The following CDH12 variants were observed in gnomAD, a reference collection of about 807,000 sequenced individuals.
CDH12 encodes cadherin-12.
A neutral mutation model predicts 74.1 loss-of-function variants in CDH12; 41 were observed. The observed-to-expected ratio is 0.55, with a 90% confidence interval of 0.43 to 0.72. CDH12 has a LOEUF of 0.72. Among genes scored for constraint, CDH12 ranks in the 30% least tolerant of loss-of-function variants. The pLI, the probability that CDH12 is intolerant of heterozygous loss-of-function variation, is 0.00. For synonymous variants in CDH12, 399 were observed against 355.0 expected (o/e 1.12, Z -1.39); for missense variants, 945 against 977.2 (o/e 0.97, Z 0.44).
intron 1 of CDH12, among the ~76,000 whole-genome samples, chr5:22,593,034 A>T (rs1170898028): frequency 7.2e-6 from 1 of 137,984 alleles, no homozygotes; most frequent in East Asian, 2.2e-4. Context: ...CATCTCAAAA[A>T]AGAAAAAAAA....
chr5:21,971,116 C>T (rs1348610653), intron 6 of CDH12, among the ~76,000 whole-genome samples: 1 of 151,728 alleles, frequency 6.6e-6, no homozygotes, highest in Non-Finnish European at 1.5e-5. Flanking sequence ...AGATGCCCAT[C>T]CTTCAGGTTT....
intron 10 of CDH12, among the ~76,000 whole-genome samples, chr5:21,793,620 A>T (rs1016793481): frequency 6.6e-6 from 1 of 151,676 alleles, no homozygotes; most frequent in African/African-American, 2.4e-5. Flanking sequence ...GCTCTGAAGA[A>T]TGGTGCCATT....
chr5:22,031,669 C>T (rs1262393605), intron 5 of CDH12, among the ~76,000 whole-genome samples: 3 of 152,112 alleles, frequency 2.0e-5, no homozygotes, highest in Non-Finnish European at 4.4e-5. Context: ...ACTGTAGGGA[C>T]ATTAATTTCA....
intron 1 of CDH12, among the ~76,000 whole-genome samples, chr5:22,636,135 G>A (rs540922919): frequency 6.6e-6 from 1 of 152,158 alleles, no homozygotes; most frequent in South Asian, 2.1e-4. Context: ...AAACCACAAT[G>A]AGATACCATT....
intron 6 of CDH12, among the ~76,000 whole-genome samples, chr5:21,917,728 T>A (rs909933609): frequency 2.0e-5 from 3 of 152,160 alleles, no homozygotes; most frequent in Non-Finnish European, 2.9e-5. Context: ...ACTGTCTGGT[T>A]AGGCTATTTA....
At chr5:22,671,467 T>C (rs1740895937) in intron 1 of CDH12, among the ~76,000 whole-genome samples, 1 of 152,092 alleles carries the variant, frequency 6.6e-6, no homozygotes, top group African/African-American at 2.4e-5. Context: ...TTCTTTCTTG[T>C]GGGGATAGTC....
intron 4 of CDH12, among the ~76,000 whole-genome samples, chr5:22,122,411 A>T (rs1745569262): frequency 6.6e-6 from 1 of 152,160 alleles, no homozygotes; most frequent in South Asian, 2.1e-4. Flanking sequence ...TCACAAAAAC[A>T]AAAACAAACA....
chr5:21,945,427 CAAA>C (rs1167475672), intron 6 of CDH12, among the ~76,000 whole-genome samples: 2 of 15,530 alleles, frequency 1.3e-4, no homozygotes, highest in Non-Finnish European at 2.2e-4. Flanking sequence ...CTGTTTCAGA[CAAA>C]AAAAAAAAAA....
At chr5:22,495,166 C>T (rs1203095546) in intron 2 of CDH12, among the ~76,000 whole-genome samples, 2 of 152,082 alleles carry the variant, frequency 1.3e-5, no homozygotes, top group African/African-American at 2.4e-5. Flanking sequence ...GCAGGCATCA[C>T]TTGGGGCAAG....
intron 1 of CDH12, among the ~76,000 whole-genome samples, chr5:22,540,903 G>A (rs1247383650): frequency 2.0e-5 from 3 of 152,052 alleles, no homozygotes; most frequent in Non-Finnish European, 4.4e-5. Flanking sequence ...ATTGGTAATG[G>A]CTCAATTAAT....
chr5:21,999,708 C>G (rs890785156), intron 5 of CDH12, among the ~76,000 whole-genome samples: 76 of 151,244 alleles, frequency 5.0e-4, no homozygotes, highest in Non-Finnish European at 1.0e-3. Context: ...GTCAATCTAT[C>G]AAGGTTTTCC....
At chr5:22,136,257 A>C (rs908387648) in intron 4 of CDH12, among the ~76,000 whole-genome samples, 3 of 152,000 alleles carry the variant, frequency 2.0e-5, no homozygotes, top group African/African-American at 4.8e-5. Context: ...GGAAGGTAGG[A>C]GTTATCAATA....
chr5:21,957,249 A>G (rs2547573), intron 6 of CDH12, among the ~76,000 whole-genome samples: 5 of 152,172 alleles, frequency 3.3e-5, no homozygotes, highest in Non-Finnish European at 7.3e-5. Context: ...TGCAAAGAAC[A>G]TGATCTCATT....
Position 22,568,636 on chromosome 5 carries a change from C to G in CDH12, c.-522-63272G>C, listed in dbSNP as rs552529073. Among the ~76,000 whole-genome samples the G allele has an allele frequency of 2.6e-5, 4 of 152,132 alleles. No individual in the cohort carries two copies. In the South Asian group the frequency reaches 8.3e-4, roughly 32 times the overall value. ...AAAAAATGAATAAATGGTAAGAAAA[C>G]ACTGGGTCTTGGTAAACAAAAGTGA... On this transcript the variant is annotated intron_variant, in intron 1 of 14. Coordinates refer to ENST00000382254, the MANE Select transcript of CDH12 (RefSeq NM_004061.5).
At chr5:22,559,766 CTTA>C (rs1299635962) in intron 1 of CDH12, among the ~76,000 whole-genome samples, 2 of 152,094 alleles carry the variant, frequency 1.3e-5, no homozygotes, top group African/African-American at 4.8e-5. Flanking sequence ...TCACCAGTAT[CTTA>C]TTATAGTTTC....
intron 10 of CDH12, among the ~76,000 whole-genome samples, chr5:21,791,683 A>T (rs1579709208): frequency 6.1e-5 from 1 of 16,268 alleles, no homozygotes; most frequent in Non-Finnish European, 1.9e-4. Context: ...GATTGTTGCT[A>T]AAAAAAAAAA....
intron 4 of CDH12, among the ~76,000 whole-genome samples, chr5:22,102,763 T>A (rs1414098075): frequency 1.3e-5 from 2 of 152,068 alleles, no homozygotes. Context: ...TAACAAAAAA[T>A]GATTAGGCCA....
chr5:22,267,737 C>T (rs1003529623), intron 3 of CDH12, among the ~76,000 whole-genome samples: 1 of 151,956 alleles, frequency 6.6e-6, no homozygotes, highest in African/African-American at 2.4e-5. Flanking sequence ...GGTTGTGTTG[C>T]CTTTGAAAGA....
At chr5:22,823,284 A>G (rs1035681347) in intron 1 of CDH12, among the ~76,000 whole-genome samples, 9 of 151,772 alleles carry the variant, frequency 5.9e-5, no homozygotes, top group South Asian at 4.2e-4. Flanking sequence ...CCTAATGCTA[A>G]ATGACGAGTT....
Sources: allele counts gnomAD v4.1 joint callset (sites outside exome capture counted in the v4.1 genomes callset), GRCh38; gene constraint gnomAD v4.1.1; transcripts MANE v1.5; gene names NCBI Gene and HGNC (gene_info 2026-07-23, HGNC 2026-07-21).